Variants in DLAT observed in about 807,000 individuals in gnomAD.
The protein encoded by DLAT is dihydrolipoamide S-acetyltransferase, also known as dihydrolipoyllysine-residue acetyltransferase component of pyruvate dehydrogenase complex, mitochondrial.
Under a neutral mutation model 68.0 loss-of-function variants are expected in DLAT, and 43 were observed. The observed-to-expected ratio is 0.63, with a 90% CI of 0.50 to 0.81. The LOEUF is 0.81. Among genes scored for constraint, DLAT ranks in the 40% least tolerant of loss-of-function variants. The pLI, the probability that DLAT is intolerant of heterozygous loss-of-function variation, is 0.00. For synonymous variants in DLAT, 265 were observed against 288.6 expected (o/e 0.92, Z 0.83); for missense variants, 745 against 815.4 (o/e 0.91, Z 1.05).
At chr11:112,026,710 A>G (rs1592652555) in intron 2 of DLAT, among the ~76,000 whole-genome samples, 1 of 152,132 alleles carries the variant, frequency 6.6e-6, no homozygotes. Flanking sequence ...TCCCATGTCT[A>G]CCTCTTTCTA....
chr11:112,026,343 T>A lies in DLAT; in HGVS notation c.381+44T>A, dbSNP rs587610898. 1.4e-4 allele frequency: 157 copies of A among 1,133,314 alleles called. 1 individual carries two copies. Among genetic ancestry groups the A allele is most frequent in the Non-Finnish European group, 1.6e-4 (134 of 832,906 alleles). 70.2% of individuals were successfully genotyped at this position (1,133,314 alleles called of 1,614,324 possible). A position where few individuals can be genotyped will look rare whatever the true frequency, so the allele number is the denominator to read the frequency against. ...TTTTAATTAATTTATTTATTTTTTT[T>A]ATTGATCATTCTTGGGTGTTTCTCG... On this transcript the variant is annotated intron_variant, in intron 2 of 13. Coordinates refer to ENST00000280346, the MANE Select transcript of DLAT (RefSeq NM_001931.5).
At position 112,039,339 on chromosome 11, in the gene DLAT, T is replaced by C. The variant is rs1306854057; in HGVS notation, c.1071T>C (p.Val357=). ...TPAGPKGRVF[V]SPLAKKLAVE... ...CTGGACCAAAGGGAAGGGTGTTTGT[T>C]AGCCCTCTTGCAAAGAAGTTGGCAG... Residue 357 remains valine, a synonymous_variant, in exon 7 of 14, where the codon GTT becomes GTC. Coordinates refer to ENST00000280346, the MANE Select transcript of DLAT (RefSeq NM_001931.5). 2.5e-6 allele frequency: 4 copies of C among 1,614,008 alleles called. No individual in the cohort carries two copies. Among genetic ancestry groups the C allele is most frequent in the Middle Eastern group, 1.6e-4 (1 of 6,082 alleles).
At chr11:112,029,239 T>G (rs1416249470) in intron 4 of DLAT, among the ~76,000 whole-genome samples, 1 of 152,232 alleles carries the variant, frequency 6.6e-6, no homozygotes, top group Non-Finnish European at 1.5e-5. Flanking sequence ...TGATTTTTAC[T>G]AACATCTATT....
At chr11:112,032,788 G>A (rs1862482938) in intron 4 of DLAT, among the ~76,000 whole-genome samples, 1 of 152,172 alleles carries the variant, frequency 6.6e-6, no homozygotes, top group African/African-American at 2.4e-5. Flanking sequence ...AATGAAGTCT[G>A]GGCGCGGTGG....
rs1336475338 is a variant in DLAT, at chr11:112,062,561, C to T, written c.*26C>T. ...CTAACTCAAGAATTTCTAAACTCTC[C>T]CAGGTCACACTGATTCATTCTTAAC... On this transcript the variant is annotated 3_prime_UTR_variant, in exon 14 of 14. Transcript: ENST00000280346. The T allele has an allele frequency of 1.2e-6, 2 of 1,609,794 alleles. No individual in the cohort carries two copies. The highest frequency in any genetic ancestry group is 1.3e-5 in the African/African-American group (1 of 74,762).
intron 10 of DLAT, among the ~76,000 whole-genome samples, chr11:112,050,122 G>A (rs1863529991): frequency 6.6e-6 from 1 of 152,204 alleles, no homozygotes. Flanking sequence ...TGTCTGTTGA[G>A]ATGATTATGT....
intron 8 of DLAT, among the ~76,000 whole-genome samples, chr11:112,044,392 G>A (rs1434088598): frequency 1.3e-5 from 2 of 151,994 alleles, no homozygotes; most frequent in Non-Finnish European, 2.9e-5. Flanking sequence ...ACAGGGTTTC[G>A]CCATGTTGGC....
chr11:112,054,883 A>G (rs1863910970), intron 11 of DLAT, among the ~76,000 whole-genome samples: 1 of 152,144 alleles, frequency 6.6e-6, no homozygotes, highest in South Asian at 2.1e-4. Flanking sequence ...GCATAACTCC[A>G]GTCTCTTCTT....
At chr11:112,036,094 A>AAC (rs372310780) in intron 5 of DLAT, among the ~76,000 whole-genome samples, 3,701 of 128,608 alleles carry the variant, frequency 0.029, 163 homozygotes, top group African/African-American at 0.091. Context: ...CCCAGCCTTA[A>AAC]ACATATATAT....
intron 12 of DLAT, among the ~76,000 whole-genome samples, chr11:112,060,476 CAG>C (rs1409924356): frequency 1.5e-4 from 23 of 151,232 alleles, no homozygotes; most frequent in African/African-American, 4.9e-4. Context: ...TTTTTTGAAA[CAG>C]AGTCTCACTC....
chr11:112,028,442 A>G, intron 2 of DLAT, 73 bp from the exon 3 acceptor site: 2 of 1,488,916 alleles, frequency 1.3e-6, no homozygotes, highest in Non-Finnish European at 1.8e-6. Flanking sequence ...AAAAAAAAAA[A>G]AAATTCTAGA....
At chr11:112,039,563 A>G (rs587695362) in intron 7 of DLAT, among the ~76,000 whole-genome samples, 166 bp downstream of exon 7, 1 of 152,346 alleles carries the variant, frequency 6.6e-6, no homozygotes, top group Admixed American at 6.5e-5. Flanking sequence ...TGTTGCCACC[A>G]CAGAGTAGGG....
At chr11:112,039,027 T>A (rs1862917832) in intron 6 of DLAT, among the ~76,000 whole-genome samples, 1 of 152,206 alleles carries the variant, frequency 6.6e-6, no homozygotes, top group East Asian at 1.9e-4. Context: ...AAGGTAACTG[T>A]TCTGTCTTTG....
chr11:112,044,074 A>G (rs1555181227), intron 8 of DLAT, among the ~76,000 whole-genome samples: 1 of 152,254 alleles, frequency 6.6e-6, no homozygotes, highest in African/African-American at 2.4e-5. Context: ...ATTGACATGT[A>G]TTCCACATTA....
In DLAT at chr11:112,025,762, G is replaced by C. The variant is rs1555179172; in HGVS notation, c.279+11G>C. The C allele has an allele frequency of 1.9e-6, 3 of 1,612,978 alleles. No individual in the cohort carries two copies. In the South Asian group the frequency reaches 3.3e-5, roughly 18 times the overall value. The stretch of plus-strand genomic sequence containing the variant: ...CCCCCGCATCAGAAGGTGAGCCCTA[G>C]ACCCCCCTTCTCGGGACCCCGTTGT... On this transcript the variant is annotated intron_variant, in intron 1 of 13. Transcript: ENST00000280346.
chr11:112,048,074 G>A (rs587723314), intron 10 of DLAT, among the ~76,000 whole-genome samples: 1 of 152,260 alleles, frequency 6.6e-6, no homozygotes, highest in East Asian at 1.9e-4. Context: ...CCATTTTCAC[G>A]ATATTGATTC....
Position 112,053,978 on chromosome 11 carries a change from A to G in DLAT, c.1514+2629A>G, listed in dbSNP as rs973215094. Among the ~76,000 whole-genome samples the G allele has an allele frequency of 2.0e-5, 3 of 152,118 alleles. No individual in the cohort carries two copies. The East Asian group carries it at 5.8e-4, about 29-fold the overall frequency. On this transcript the variant is annotated intron_variant, in intron 11 of 13. Coordinates refer to ENST00000280346, the MANE Select transcript of DLAT (RefSeq NM_001931.5). ...TTCCTACATACACACACATAACACC[A>G]TCTTCCCAAATTGATTGTAGCACAA...
chr11:112,030,415 AT>A, intron 4 of DLAT: 6 of 400,972 alleles, frequency 1.5e-5, no homozygotes, highest in South Asian at 1.2e-4. Context: ...TCAGCATGAG[AT>A]TTGGAGGGGA....
chr11:112,057,092 T>C (rs191834359), intron 11 of DLAT, among the ~76,000 whole-genome samples: 380 of 152,336 alleles, frequency 2.5e-3, no homozygotes, highest in Non-Finnish European at 3.8e-3. Context: ...GATGTTACCA[T>C]TGTAATTGTT....
Sources: allele counts gnomAD v4.1 joint callset (sites outside exome capture counted in the v4.1 genomes callset), GRCh38; gene constraint gnomAD v4.1.1; transcripts MANE v1.5; gene names NCBI Gene and HGNC (gene_info 2026-07-23, HGNC 2026-07-21).